The following APBA1 variants were observed in gnomAD, a reference collection of about 807,000 sequenced individuals.
APBA1 encodes amyloid beta precursor protein binding family A member 1, also known as amyloid-beta A4 precursor protein-binding family A member 1.
In APBA1, 55 loss-of-function variants were observed where a neutral mutation model predicts 86.6. The observed-to-expected ratio is 0.64, with a 90% CI of 0.51 to 0.80. APBA1 has a LOEUF of 0.80. Ranked by LOEUF, APBA1 falls within the 30% of genes least tolerant of loss-of-function variation. The pLI is 0.00. For missense variants in APBA1, 1,090 were observed against 1,183.0 expected (o/e 0.92, Z 1.15); for synonymous variants, 511 against 493.9 (o/e 1.03, Z -0.46).
Position 69,432,552 on chromosome 9 carries a change from G to T in APBA1, c.2426C>A (p.Ser809Tyr). The change falls in exon 12 of 13, where the codon TCC (serine) becomes TAC (tyrosine). Residue 809 changes from serine (S) to tyrosine (Y), a missense_variant. This residue lies in a region of APBA1 where 119 missense variants were observed against 124.8 expected (regional missense o/e 0.95). Coordinates refer to ENST00000265381, the MANE Select transcript of APBA1 (RefSeq NM_001163.4). The stretch of plus-strand genomic sequence containing the variant: ...CTCTCCTACCTCCCCAACAGCATTG[G>T]AGAGAATGTGGACGATCTTCTCGTG... ...TPHEKIVHIL[S>Y]NAVGEIHMKT... 6.3e-7 allele frequency: 1 copy of T among 1,579,144 alleles called. No individual in the cohort carries two copies. The highest frequency in any genetic ancestry group is 1.2e-5 in the South Asian group (1 of 84,940).
At chr9:69,608,628 T>C (rs554865285) in intron 1 of APBA1, among the ~76,000 whole-genome samples, 176 of 152,340 alleles carry the variant, frequency 1.2e-3, no homozygotes, top group African/African-American at 3.9e-3. Flanking sequence ...GGAACATCTG[T>C]AAATACTGTT....
At chr9:69,500,909 A>G (rs1835871339) in intron 2 of APBA1, among the ~76,000 whole-genome samples, 1 of 152,158 alleles carries the variant, frequency 6.6e-6, no homozygotes, top group African/African-American at 2.4e-5. Context: ...TTCATTTTAA[A>G]GATGATCACA....
intron 1 of APBA1, among the ~76,000 whole-genome samples, chr9:69,562,474 A>T (rs1204745394): frequency 1.3e-5 from 2 of 151,632 alleles, no homozygotes; most frequent in African/African-American, 4.9e-5. Context: ...TCCTGGGTTC[A>T]ATTGATTCTC....
At chr9:69,613,393 G>A (rs74598564) in intron 1 of APBA1, among the ~76,000 whole-genome samples, 5,382 of 152,070 alleles carry the variant, frequency 0.035, 162 homozygotes, top group African/African-American at 0.08. Context: ...GTTTAAGGCC[G>A]GAAATGCTAT....
chr9:69,656,176 G>C (rs549694894), intron 1 of APBA1, among the ~76,000 whole-genome samples: 1 of 152,330 alleles, frequency 6.6e-6, no homozygotes, highest in South Asian at 2.1e-4. Flanking sequence ...GCTGTTGGGA[G>C]TATAAATTGG....
chr9:69,555,144 T>C (rs114051008), intron 1 of APBA1, among the ~76,000 whole-genome samples: 2,208 of 152,308 alleles, frequency 0.014, 33 homozygotes, highest in Non-Finnish European at 0.021. Flanking sequence ...CAAAGAGTAG[T>C]AGATTATTTA....
intron 1 of APBA1, among the ~76,000 whole-genome samples, chr9:69,646,015 A>T (rs74972557): frequency 5.2e-5 from 8 of 152,392 alleles, no homozygotes; most frequent in Admixed American, 1.3e-4. Context: ...ACATGGATAG[A>T]CATACTCACC....
intron 1 of APBA1, among the ~76,000 whole-genome samples, chr9:69,527,144 T>C (rs1836355664): frequency 6.6e-6 from 1 of 151,996 alleles, no homozygotes; most frequent in Non-Finnish European, 1.5e-5. Context: ...TTTTGAGTGA[T>C]AGTATCAGTC....
chr9:69,634,170 C>T (rs1823108111), intron 1 of APBA1, among the ~76,000 whole-genome samples: 1 of 152,208 alleles, frequency 6.6e-6, no homozygotes, highest in Non-Finnish European at 1.5e-5. Context: ...GCCAACACCA[C>T]CCCTCCTCCA....
At chr9:69,556,718 T>C (rs1367106852) in intron 1 of APBA1, among the ~76,000 whole-genome samples, 1 of 152,236 alleles carries the variant, frequency 6.6e-6, no homozygotes, top group Non-Finnish European at 1.5e-5. Context: ...ACCCATGGGA[T>C]ACATAATTTG....
At chr9:69,571,060 G>A (rs1222073205) in intron 1 of APBA1, among the ~76,000 whole-genome samples, 2 of 152,038 alleles carry the variant, frequency 1.3e-5, no homozygotes, top group African/African-American at 2.4e-5. Flanking sequence ...TCTCTCCAAC[G>A]TGCATGTTTT....
intron 2 of APBA1, among the ~76,000 whole-genome samples, chr9:69,483,006 T>G: frequency 6.9e-6 from 1 of 145,694 alleles, no homozygotes; most frequent in East Asian, 2.1e-4. Flanking sequence ...CATTGGGAGA[T>G]ATACCTAATG....
intron 1 of APBA1, among the ~76,000 whole-genome samples, chr9:69,638,099 G>A (rs1393950994): frequency 6.6e-6 from 1 of 152,196 alleles, no homozygotes; most frequent in Non-Finnish European, 1.5e-5. Flanking sequence ...CAACACATCT[G>A]ATGAACAGTA....
chr9:69,486,303 C>T (rs1835608825), intron 2 of APBA1, among the ~76,000 whole-genome samples: 1 of 152,050 alleles, frequency 6.6e-6, no homozygotes, highest in Admixed American at 6.6e-5. Flanking sequence ...CAGCACTTCT[C>T]GTGGTAGCGG....
rs1205355914 is a variant in APBA1, at chr9:69,516,315, T to C, written c.896A>G (p.Asp299Gly). ...AAEDMPEAEQ[D>G]LERPPTPAGG... ...GGCCGGGGTAGGGGGACGCTCCAGG[T>C]CCTGCTCGGCCTCAGGCATGTCCTC... is the stretch of plus-strand genomic sequence containing the variant. Residue 299 changes from aspartate (D) to glycine (G), a missense_variant, in exon 2 of 13, where the codon GAC becomes GGC. Around this residue, in one of 6 missense-constraint regions of APBA1, gnomAD observed 678 missense variants for 647.1 expected, o/e 1.05. Coordinates refer to ENST00000265381, the MANE Select transcript of APBA1 (RefSeq NM_001163.4). The surrounding 1 kb of genome is among the most constrained non-coding windows in gnomAD (Gnocchi z 7.3). The C allele has an allele frequency of 1.4e-5, 23 of 1,588,796 alleles. No homozygotes were observed. The highest frequency in any genetic ancestry group is 1.9e-5 in the Non-Finnish European group (22 of 1,173,766).
intron 1 of APBA1, among the ~76,000 whole-genome samples, chr9:69,535,016 T>G (rs542178647): frequency 1.1e-4 from 16 of 152,218 alleles, no homozygotes; most frequent in Non-Finnish European, 2.2e-4. Flanking sequence ...ACTTTATCTT[T>G]CCCCTTCTAC....
At chr9:69,658,286 C>CTTTTTCTTTCTT (rs770180947) in intron 1 of APBA1, among the ~76,000 whole-genome samples, 1,697 of 73,956 alleles carry the variant, frequency 0.023, 94 homozygotes, top group Non-Finnish European at 0.031. Context: ...CTTTCTTTCT[C>CTTTTTCTTTCTT]TCTCTCTTTC....
intron 1 of APBA1, among the ~76,000 whole-genome samples, chr9:69,606,077 C>G (rs984407216): frequency 8.5e-5 from 13 of 152,220 alleles, no homozygotes; most frequent in African/African-American, 2.9e-4. Flanking sequence ...AGAATCCACT[C>G]TCATACTCAC....
chr9:69,446,740 C>T (rs1000967682), intron 10 of APBA1, among the ~76,000 whole-genome samples: 4 of 152,188 alleles, frequency 2.6e-5, no homozygotes, highest in African/African-American at 9.7e-5. Flanking sequence ...TCTCCTGTGC[C>T]TTTAGAGTCT....
Sources: gnomAD v4.1 joint callset for allele counts (sites outside exome capture counted in the v4.1 genomes callset) on GRCh38, gnomAD v4.1.1 for gene constraint, gnomAD v4.1.1 regional missense constraint, Gnocchi (gnomAD v3.1) non-coding constraint, MANE v1.5 for transcripts, NCBI Gene and HGNC (gene_info 2026-07-23, HGNC 2026-07-21) for gene names.